RP1: variants seen among roughly 807,000 people sequenced by gnomAD.
RP1 encodes the protein oxygen-regulated protein 1.
Under a neutral mutation model 14.8 loss-of-function variants are expected in RP1, and 16 were observed. The observed-to-expected ratio is 1.08, with a 90% CI of 0.73 to 1.65. RP1 has a LOEUF of 1.65. Among genes scored for constraint, RP1 ranks in the 40% most tolerant of loss-of-function variants. The pLI is 0.00. For synonymous variants in RP1, 876 were observed against 883.6 expected, an observed-to-expected ratio of 0.99 and a Z score of 0.15; for missense variants, 2,631 against 2,535.0, an observed-to-expected ratio of 1.04 and a Z score of -0.81.
chr8:54,861,974 C>T (rs368327981), intron 27 of RP1, among the ~76,000 whole-genome samples: 4 of 152,228 alleles, frequency 2.6e-5, no homozygotes, highest in East Asian at 3.9e-4. Context: ...GGCAAATTTG[C>T]GCCCTAGGGA....
At chr8:54,682,266 G>C (rs1334446247) in intron 12 of RP1, among the ~76,000 whole-genome samples, 1 of 145,798 alleles carries the variant, frequency 6.9e-6, no homozygotes, top group Non-Finnish European at 1.5e-5. Context: ...TTTACTTTAA[G>C]TTCTGGGATA....
intron 1 of RP1, among the ~76,000 whole-genome samples, chr8:54,563,671 G>A (rs1000556587): frequency 1.3e-5 from 2 of 151,968 alleles, no homozygotes; most frequent in Non-Finnish European, 2.9e-5. Flanking sequence ...TCAGCCTCCT[G>A]AGTAGCTGGG....
chr8:54,759,824 T>C (rs911705800), intron 22 of RP1, among the ~76,000 whole-genome samples: 1 of 152,172 alleles, frequency 6.6e-6, no homozygotes, highest in Non-Finnish European at 1.5e-5. Context: ...GACTTACAAA[T>C]TGAGTTAAAA....
chr8:54,575,812 C>G (rs199866970), intron 1 of RP1, among the ~76,000 whole-genome samples: 1 of 152,078 alleles, frequency 6.6e-6, no homozygotes, highest in African/African-American at 2.4e-5. Context: ...AGTGGGGCCC[C>G]AGTGTTTGTT....
exon 14 of RP1, chr8:54,701,569 T>C (rs1275265392): frequency 6.5e-7 from 1 of 1,535,784 alleles, no homozygotes; most frequent in Admixed American, 2.0e-5. Flanking sequence ...TGGTTCCTGG[T>C]CACACAGTTG....
intron 24 of RP1, among the ~76,000 whole-genome samples, chr8:54,784,148 G>T (rs189091151): frequency 6.6e-6 from 1 of 152,058 alleles, no homozygotes; most frequent in South Asian, 2.1e-4. Flanking sequence ...TGGGCGAAAC[G>T]GTCAAATGGT....
intron 24 of RP1, among the ~76,000 whole-genome samples, chr8:54,829,522 A>G (rs1811470453): frequency 6.6e-6 from 1 of 152,228 alleles, no homozygotes. Flanking sequence ...TGGAGGAGAC[A>G]GAACATGGAG....
intron 24 of RP1, among the ~76,000 whole-genome samples, chr8:54,825,845 T>G (rs1484192138): frequency 6.6e-6 from 1 of 151,752 alleles, no homozygotes; most frequent in African/African-American, 2.4e-5. Context: ...GAGCAGAGGA[T>G]GAATGCTTGA....
intron 19 of RP1, among the ~76,000 whole-genome samples, chr8:54,744,909 A>G (rs1163326287): frequency 2.0e-5 from 3 of 152,206 alleles, no homozygotes; most frequent in African/African-American, 7.2e-5. Flanking sequence ...GCAATTTTTA[A>G]ATACATAGAT....
upstream of RP1, among the ~76,000 whole-genome samples, chr8:54,613,967 A>T (rs553584358): frequency 2.0e-3 from 303 of 152,350 alleles, no homozygotes; most frequent in Non-Finnish European, 3.4e-3. Flanking sequence ...GAAGATAAAC[A>T]TGGCAAAAAT....
intron 24 of RP1, among the ~76,000 whole-genome samples, chr8:54,788,425 C>T (rs980531569): frequency 6.6e-6 from 1 of 152,196 alleles, no homozygotes; most frequent in Non-Finnish European, 1.5e-5. Flanking sequence ...CTTTTCTCTC[C>T]TCCTTCTTGT....
chr8:54,673,815 G>A (rs1807234369), intron 7 of RP1: 3 of 1,450,452 alleles, frequency 2.1e-6, no homozygotes, highest in Non-Finnish European at 2.8e-6. Context: ...CAGAGTTATA[G>A]TCTAGATCTA....
At chr8:54,708,987 A>G (rs1460014543) in intron 15 of RP1, among the ~76,000 whole-genome samples, 1 of 152,108 alleles carries the variant, frequency 6.6e-6, no homozygotes, top group Non-Finnish European at 1.5e-5. Context: ...CAAAGAAACT[A>G]TTGGCATGCT....
At chr8:54,677,112 G>A (rs779471247) in intron 8 of RP1, among the ~76,000 whole-genome samples, 8 of 151,162 alleles carry the variant, frequency 5.3e-5, no homozygotes, top group Non-Finnish European at 1.0e-4. Flanking sequence ...AGCCATACTG[G>A]TTTGCCTGTG....
chr8:54,755,568 A>T lies in RP1; in HGVS notation c.2942-51A>T, dbSNP rs528150767. On this transcript the variant is annotated intron_variant, in intron 20 of 22. Transcript: ENST00000636932. ...ATGGATCTGGGTTCTGTTTGTATGG[A>T]TTTCAAGGTAATGTATTTCCTCTTA... 25 of 1,521,204 alleles carry T rather than the reference A, an allele frequency of 1.6e-5. No individual in the cohort carries two copies. The Admixed American group carries it at 4.5e-4, about 28-fold the overall frequency. 94.2% of individuals were successfully genotyped at this position (1,521,204 alleles called of 1,614,324 possible). A position where few individuals can be genotyped will look rare whatever the true frequency, so the allele number is the denominator to read the frequency against.
At chr8:54,618,758 C>A (rs555373566) in intron 1 of RP1, among the ~76,000 whole-genome samples, 4 of 152,234 alleles carry the variant, frequency 2.6e-5, no homozygotes, top group African/African-American at 9.6e-5. Context: ...TGGGTTCAAG[C>A]AATTCTCCTG....
intron 12 of RP1, among the ~76,000 whole-genome samples, chr8:54,692,800 G>A (rs1220394208): frequency 6.6e-6 from 1 of 151,432 alleles, no homozygotes; most frequent in Non-Finnish European, 1.5e-5. Context: ...TTCTTTTGCT[G>A]TGCAGAAGCT....
chr8:54,814,186 G>A (rs1008073495), intron 24 of RP1, among the ~76,000 whole-genome samples: 1 of 152,046 alleles, frequency 6.6e-6, no homozygotes, highest in Non-Finnish European at 1.5e-5. Context: ...TGTAAGATTT[G>A]GTTAGTTTTA....
intron 1 of RP1, among the ~76,000 whole-genome samples, chr8:54,574,701 T>A (rs147844956): frequency 1.3e-3 from 128 of 101,182 alleles, no homozygotes; most frequent in African/African-American, 3.8e-3. Context: ...GTTTCACTTA[T>A]CTATGTTGTT....
Sources: gnomAD v4.1 joint callset for allele counts (sites outside exome capture counted in the v4.1 genomes callset) on GRCh38, gnomAD v4.1.1 for gene constraint, MANE v1.5 for transcripts, NCBI Gene and HGNC (gene_info 2026-07-23, HGNC 2026-07-21) for gene names.